The following ARHGAP10 variants were observed in gnomAD, a reference collection of about 807,000 sequenced individuals.
ARHGAP10 encodes Rho GTPase activating protein 10.
In ARHGAP10, 87 loss-of-function variants were observed where a neutral mutation model predicts 108.6. The ratio of observed to expected loss-of-function variants is 0.80; its 90% confidence interval spans 0.67 to 0.96. The LOEUF (loss-of-function observed/expected upper bound fraction) is 0.96. Ranked by LOEUF, ARHGAP10 falls within the 40% of genes least tolerant of loss-of-function variation. The pLI, the probability that ARHGAP10 is intolerant of heterozygous loss-of-function variation, is 0.00. For synonymous variants in ARHGAP10, 347 were observed against 341.1 expected, an observed-to-expected ratio of 1.02 and a Z score of -0.19; for missense variants, 939 against 954.5, an observed-to-expected ratio of 0.98 and a Z score of 0.21.
chr4:148,026,367 A>T (rs930669732), intron 19 of ARHGAP10, among the ~76,000 whole-genome samples: 1 of 152,088 alleles, frequency 6.6e-6, no homozygotes, highest in African/African-American at 2.4e-5. Flanking sequence ...CGGAGGGGAG[A>T]TCCTCTGCTG....
At chr4:147,786,777 T>C (rs987903768) in intron 1 of ARHGAP10, among the ~76,000 whole-genome samples, 7 of 152,208 alleles carry the variant, frequency 4.6e-5, no homozygotes, top group Non-Finnish European at 8.8e-5. Flanking sequence ...TTTGAGGGTA[T>C]GGGTGGAGGA....
At chr4:147,881,631 C>T (rs914486907) in intron 9 of ARHGAP10, among the ~76,000 whole-genome samples, 10 of 152,088 alleles carry the variant, frequency 6.6e-5, no homozygotes, top group African/African-American at 2.4e-4. Context: ...GAGCGAGGCT[C>T]CCTTCTCAAA....
chr4:147,852,667 T>A (rs561310489), intron 4 of ARHGAP10, among the ~76,000 whole-genome samples: 1 of 151,772 alleles, frequency 6.6e-6, no homozygotes, highest in East Asian at 1.9e-4. Context: ...AAACAAAAGT[T>A]TTTATGTCAT....
chr4:148,038,557 G>A (rs1332220301), intron 19 of ARHGAP10, among the ~76,000 whole-genome samples: 1 of 152,166 alleles, frequency 6.6e-6, no homozygotes, highest in African/African-American at 2.4e-5. Context: ...TTCCAATACA[G>A]ACATTCAGCC....
rs568404692 is a variant in ARHGAP10 at position 147,873,830 on chromosome 4, A to G, written c.703-1191A>G. On this transcript the variant is annotated intron_variant, in intron 7 of 22. Coordinates refer to ENST00000336498, the MANE Select transcript of ARHGAP10 (RefSeq NM_024605.4). ...GTTGAGGCTGTGATGAGGTATTATC[A>G]TGCCACTGTACTCCAGCCTGGGAGA... Among the ~76,000 whole-genome samples, 7 of 149,926 alleles carry G rather than the reference A, an allele frequency of 4.7e-5. No individual in the cohort carries two copies. In the East Asian group the frequency reaches 1.4e-3, roughly 30 times the overall value.
chr4:147,982,546 C>CTTTTTTTTTTT (rs753773443), intron 18 of ARHGAP10, among the ~76,000 whole-genome samples: 21 of 66,258 alleles, frequency 3.2e-4, no homozygotes, highest in East Asian at 5.1e-4. Context: ...CCAGCTAAAT[C>CTTTTTTTTTTT]TTTTTTTTTT....
At chr4:147,918,898 A>G (rs938941873) in intron 13 of ARHGAP10, among the ~76,000 whole-genome samples, 1 of 152,214 alleles carries the variant, frequency 6.6e-6, no homozygotes, top group Admixed American at 6.5e-5. Flanking sequence ...CACTTGCTCT[A>G]TTAACTATTC....
chr4:148,018,918 T>C (rs1042172521), intron 18 of ARHGAP10, among the ~76,000 whole-genome samples: 5 of 152,254 alleles, frequency 3.3e-5, no homozygotes, highest in Admixed American at 6.5e-5. Flanking sequence ...TGTGGAACAG[T>C]ACTTACCTCA....
intron 20 of ARHGAP10, among the ~76,000 whole-genome samples, chr4:148,051,462 A>G (rs59418577): frequency 0.013 from 2,054 of 152,354 alleles, 58 homozygotes; most frequent in African/African-American, 0.047. Context: ...AATCTCTTTT[A>G]AGAAATATCG....
chr4:148,040,821 G>C (rs190707681), intron 19 of ARHGAP10, among the ~76,000 whole-genome samples: 1 of 151,880 alleles, frequency 6.6e-6, no homozygotes, highest in South Asian at 2.1e-4. Context: ...ATTTGGGGGG[G>C]GTTATTTGGT....
chr4:147,818,130 A>C (rs1389873635), intron 1 of ARHGAP10, among the ~76,000 whole-genome samples: 1 of 150,548 alleles, frequency 6.6e-6, no homozygotes, highest in Non-Finnish European at 1.5e-5. Flanking sequence ...TCACTAAACT[A>C]TCTCTGAACC....
At chr4:147,860,383 A>T (rs1027249616) in intron 5 of ARHGAP10, among the ~76,000 whole-genome samples, 1 of 152,206 alleles carries the variant, frequency 6.6e-6, no homozygotes, top group South Asian at 2.1e-4. Flanking sequence ...TGGAGCTTGC[A>T]GTGAGCCGAG....
chr4:147,936,580 C>T (rs549836202), intron 13 of ARHGAP10, among the ~76,000 whole-genome samples: 34 of 151,976 alleles, frequency 2.2e-4, no homozygotes, highest in Non-Finnish European at 4.1e-4. Context: ...CCACCCGCCT[C>T]GGCCTCCCAA....
intron 15 of ARHGAP10, among the ~76,000 whole-genome samples, chr4:147,951,403 ATT>A (rs33957234): frequency 0.01 from 1,371 of 133,734 alleles, 19 homozygotes; most frequent in Admixed American, 0.035. Flanking sequence ...GGTATAGTTG[ATT>A]TTTTTTTTTT....
At chr4:147,986,307 G>A (rs1190716719) in intron 18 of ARHGAP10, among the ~76,000 whole-genome samples, 1 of 152,122 alleles carries the variant, frequency 6.6e-6, no homozygotes, top group African/African-American at 2.4e-5. Context: ...TCATCAACTT[G>A]CTCGAGGTTA....
chr4:147,780,501 G>A (rs920659821), intron 1 of ARHGAP10, among the ~76,000 whole-genome samples: 1 of 152,146 alleles, frequency 6.6e-6, no homozygotes, highest in Admixed American at 6.5e-5. Flanking sequence ...GCTGTGCTCA[G>A]CTTGGTCTCA....
chr4:148,057,201 T>C (rs1303952127), intron 20 of ARHGAP10, among the ~76,000 whole-genome samples: 1 of 152,200 alleles, frequency 6.6e-6, no homozygotes, highest in Admixed American at 6.5e-5. Flanking sequence ...CAGCCAACAA[T>C]GATAGTGCCA....
In ARHGAP10 at chr4:148,023,429, T is replaced by C. The variant is rs775571981; in HGVS notation, c.1867+16T>C. 3.7e-6 allele frequency: 6 copies of C among 1,607,382 alleles called. No homozygotes were observed. The highest frequency in any genetic ancestry group is 1.7e-5 in the Admixed American group (1 of 59,814). ...CTGGAAGATGGTAAGATGTTAATGA[T>C]ATTTTTTGCTTGATAGCATGTTGAG... On this transcript the variant is annotated intron_variant, in intron 19 of 22. Coordinates refer to ENST00000336498, the MANE Select transcript of ARHGAP10 (RefSeq NM_024605.4).
intron 18 of ARHGAP10, among the ~76,000 whole-genome samples, chr4:148,017,004 A>C (rs1741373404): frequency 6.6e-6 from 1 of 151,586 alleles, no homozygotes; most frequent in Non-Finnish European, 1.5e-5. Flanking sequence ...AAAAAAAAAA[A>C]ACCAGCTGGG....
Sources: gnomAD v4.1 joint callset for allele counts (sites outside exome capture counted in the v4.1 genomes callset) on GRCh38, gnomAD v4.1.1 for gene constraint, MANE v1.5 for transcripts, NCBI Gene and HGNC (gene_info 2026-07-23, HGNC 2026-07-21) for gene names.